BNC2: variants seen among roughly 807,000 people sequenced by gnomAD.
BNC2 encodes zinc finger protein basonuclin-2.
A neutral mutation model predicts 76.3 loss-of-function variants in BNC2; 20 were observed. The ratio of observed to expected loss-of-function variants is 0.26; its 90% CI spans 0.18 to 0.38. The LOEUF (loss-of-function observed/expected upper bound fraction) is 0.38, where lower values mean the gene tolerates loss of function less well. BNC2 is among the 10% of genes least tolerant of loss of function. The probability of loss-of-function intolerance (pLI) is 1.00; values close to 1 mark genes in which losing one functional copy is unlikely to be tolerated. For synonymous variants in BNC2, 582 were observed against 514.8 expected (o/e 1.13, Z -1.77); for missense variants, 1,382 against 1,399.8 (o/e 0.99, Z 0.20).
At chr9:16,489,052 A>G (rs545430863) in intron 5 of BNC2, among the ~76,000 whole-genome samples, 3 of 152,350 alleles carry the variant, frequency 2.0e-5, no homozygotes, top group African/African-American at 4.8e-5. Context: ...AAACAGAAAT[A>G]TGTGATCCAC....
intron 1 of BNC2, among the ~76,000 whole-genome samples, chr9:16,820,374 C>G (rs1042543834): frequency 2.0e-5 from 3 of 151,616 alleles, no homozygotes; most frequent in Admixed American, 6.6e-5. Context: ...TGCAGTGAGC[C>G]GAGATCGCAC....
chr9:16,761,237 G>C (rs184272357), intron 1 of BNC2, among the ~76,000 whole-genome samples: 10 of 152,166 alleles, frequency 6.6e-5, no homozygotes, highest in African/African-American at 2.4e-4. Flanking sequence ...GACAGAGTAA[G>C]ACCGTCTCAA....
chr9:16,828,814 C>T (rs1375676634), intron 1 of BNC2, among the ~76,000 whole-genome samples: 2 of 152,182 alleles, frequency 1.3e-5, no homozygotes, highest in African/African-American at 4.8e-5. Flanking sequence ...CCATAACAAC[C>T]GCTGAAATGA....
At chr9:16,685,563 G>A (rs1712185612) in intron 3 of BNC2, 4 of 1,304,096 alleles carry the variant, frequency 3.1e-6, no homozygotes, top group South Asian at 2.5e-5. Context: ...CCAGCCTGTG[G>A]TATGGCTCCT....
rs1260527748 is a variant in BNC2, at chr9:16,840,995, T to A, written c.3+29651A>T. 4.6e-5 allele frequency among the ~76,000 whole-genome samples: 7 copies of A among 152,296 alleles called. No homozygotes were observed. In the East Asian group the frequency reaches 1.4e-3, roughly 29 times the overall value. ...CACCACTATAACCTCTCAGCTAGGG[T>A]AATTAGTATTTTCGTTGTTCTTCCG... On this transcript the variant is annotated intron_variant, in intron 1 of 6. Transcript: ENST00000380672.
At chr9:16,486,608 A>G (rs1199720882) in intron 5 of BNC2, among the ~76,000 whole-genome samples, 1 of 152,250 alleles carries the variant, frequency 6.6e-6, no homozygotes, top group Non-Finnish European at 1.5e-5. Context: ...GAAACATTTA[A>G]TGACACATTA....
At chr9:16,533,156 C>A (rs189684393) in intron 5 of BNC2, among the ~76,000 whole-genome samples, 2 of 152,200 alleles carry the variant, frequency 1.3e-5, no homozygotes, top group Non-Finnish European at 2.9e-5. Context: ...TTATTTGGAT[C>A]ACTTATTTTT....
intron 5 of BNC2, among the ~76,000 whole-genome samples, chr9:16,444,270 C>CAT (rs1821186806): frequency 6.6e-6 from 1 of 152,232 alleles, no homozygotes; most frequent in South Asian, 2.1e-4. Flanking sequence ...AACAGCTTTA[C>CAT]ATATATATAA....
intron 1 of BNC2, among the ~76,000 whole-genome samples, chr9:16,813,784 G>A (rs769639692): frequency 6.6e-6 from 1 of 152,130 alleles, no homozygotes; most frequent in African/African-American, 2.4e-5. Flanking sequence ...AAAGAACATA[G>A]GTTTTTCACT....
chr9:16,668,016 T>G (rs959373628), intron 3 of BNC2, among the ~76,000 whole-genome samples: 1 of 152,232 alleles, frequency 6.6e-6, no homozygotes, highest in Non-Finnish European at 1.5e-5. Context: ...ATTAGGTACG[T>G]TCCTACTAAG....
At chr9:16,564,903 C>T (rs1017795947) in intron 4 of BNC2, among the ~76,000 whole-genome samples, 2 of 152,036 alleles carry the variant, frequency 1.3e-5, no homozygotes, top group Admixed American at 6.6e-5. Context: ...TGTTGTCTCC[C>T]TTAACATTAT....
At chr9:16,526,465 TG>T (rs1563825141) in intron 5 of BNC2, among the ~76,000 whole-genome samples, 6 of 137,184 alleles carry the variant, frequency 4.4e-5, no homozygotes, top group African/African-American at 1.6e-4. Context: ...CATAGTTTAA[TG>T]CTTTTTTTTT....
chr9:16,678,267 C>CTTTTTTTTTTT lies in BNC2; in HGVS notation c.330+49519_330+49529dup, dbSNP rs140809930. On this transcript the variant is annotated intron_variant, in intron 3 of 6. Coordinates refer to ENST00000380672, the MANE Select transcript of BNC2 (RefSeq NM_017637.6). ...ACTTGTAACTGTTTTCTTTCTTTTT[C>CTTTTTTTTTTT]TTTTTTTTTTTTTTTTTTTTTTTTT... 3.8e-3 allele frequency among the ~76,000 whole-genome samples: 310 copies of CTTTTTTTTTTT among 80,758 alleles called. 10 individuals are homozygous for CTTTTTTTTTTT. The highest frequency in any genetic ancestry group is 4.5e-3 in the Non-Finnish European group (203 of 45,196). The allele number at this position is 80,758 out of a possible 152,430, so 53.0% of individuals were successfully genotyped here.
intron 3 of BNC2, among the ~76,000 whole-genome samples, chr9:16,679,992 C>T (rs956512356): frequency 1.3e-5 from 2 of 152,168 alleles, no homozygotes; most frequent in African/African-American, 4.8e-5. Context: ...AATTTTGTTT[C>T]GCATAGGGGG....
chr9:16,716,363 G>A (rs549090157), intron 3 of BNC2, among the ~76,000 whole-genome samples: 2 of 152,152 alleles, frequency 1.3e-5, no homozygotes, highest in African/African-American at 4.8e-5. Flanking sequence ...GGGTTCAAAT[G>A]ACCCAAAAAG....
intron 5 of BNC2, among the ~76,000 whole-genome samples, chr9:16,479,703 A>C (rs1210942262): frequency 6.6e-6 from 1 of 152,226 alleles, no homozygotes; most frequent in African/African-American, 2.4e-5. Context: ...TCATTTTTAA[A>C]GTACAGAAAT....
At chr9:16,858,227 T>C (rs1435704658) in intron 1 of BNC2, among the ~76,000 whole-genome samples, 1 of 152,238 alleles carries the variant, frequency 6.6e-6, no homozygotes, top group South Asian at 2.1e-4. Context: ...CAATTATTTC[T>C]GGGTACTTAA....
At chr9:16,462,033 T>A (rs886583068) in intron 5 of BNC2, among the ~76,000 whole-genome samples, 9 of 152,164 alleles carry the variant, frequency 5.9e-5, no homozygotes, top group African/African-American at 2.2e-4. Flanking sequence ...ACAAGATGAA[T>A]CCAGAGCCGC....
chr9:16,569,008 T>G (rs1173405914), intron 4 of BNC2, among the ~76,000 whole-genome samples: 2 of 151,708 alleles, frequency 1.3e-5, no homozygotes, highest in African/African-American at 2.4e-5. Flanking sequence ...CTAGAGTTTT[T>G]TTTTTTTTTT....
Sources: gnomAD v4.1 joint callset for allele counts (sites outside exome capture counted in the v4.1 genomes callset) on GRCh38, gnomAD v4.1.1 for gene constraint, MANE v1.5 for transcripts, NCBI Gene and HGNC (gene_info 2026-07-23, HGNC 2026-07-21) for gene names.